AGMO: variants seen among roughly 807,000 people sequenced by gnomAD.
AGMO encodes alkylglycerol monooxygenase.
Under a neutral mutation model 60.2 loss-of-function variants are expected in AGMO, and 75 were observed. The ratio of observed to expected loss-of-function variants is 1.25; its 90% CI spans 1.03 to 1.51. The LOEUF is 1.51. Among genes scored for constraint, AGMO ranks in the 40% most tolerant of loss-of-function variants. The pLI, the probability that AGMO is intolerant of heterozygous loss-of-function variation, is 0.00. For synonymous variants in AGMO, 261 were observed against 177.1 expected, an observed-to-expected ratio of 1.47 and a Z score of -3.76; for missense variants, 763 against 525.5, an observed-to-expected ratio of 1.45 and a Z score of -4.42.
chr7:15,358,764 A>C (rs554812850), intron 12 of AGMO, among the ~76,000 whole-genome samples: 61 of 152,304 alleles, frequency 4.0e-4, no homozygotes, highest in African/African-American at 1.4e-3. Flanking sequence ...AATGCCAGCA[A>C]GAGAAGGACA....
chr7:15,394,174 G>A lies in AGMO; in HGVS notation c.615C>T (p.Ile205=). 1 of 1,604,266 alleles carries A rather than the reference G, an allele frequency of 6.2e-7. No homozygotes were observed. ...TCAGTTCCAAAGGACCAAGGTTATT[G>A]ATGACCTGTTTAAAACAGAAGGAAT... is the stretch of plus-strand genomic sequence containing the variant. The part of the protein sequence containing the change: ...LYQFWIHTEV[I]NNLGPLELIL... Residue 205 remains isoleucine (I), a synonymous_variant, in exon 6 of 13, where the codon ATC becomes ATT. Coordinates refer to ENST00000342526, the MANE Select transcript of AGMO (RefSeq NM_001004320.2).
chr7:15,430,993 C>T lies in AGMO; in HGVS notation c.513+12G>A, dbSNP rs1312185854. The T allele has an allele frequency of 1.4e-6, 2 of 1,458,910 alleles. No homozygotes were observed. Among genetic ancestry groups the T allele is most frequent in the South Asian group, 2.5e-5 (2 of 78,958 alleles). 90.4% of individuals were successfully genotyped at this position (1,458,910 alleles called of 1,614,324 possible). ...TTAGATTACCATGTTTATTCCATTTCATACAACTTACCCAGGAAGTATATA... is the reference window on the plus strand; with the variant it reads ...TTAGATTACCATGTTTATTCCATTTTATACAACTTACCCAGGAAGTATATA... On this transcript the variant is annotated intron_variant, in intron 4 of 12. Coordinates refer to ENST00000342526, the MANE Select transcript of AGMO (RefSeq NM_001004320.2).
intron 12 of AGMO, among the ~76,000 whole-genome samples, chr7:15,298,972 T>A (rs1439457940): frequency 6.6e-6 from 1 of 152,158 alleles, no homozygotes; most frequent in Non-Finnish European, 1.5e-5. Context: ...ATGTCTGTTC[T>A]CGTTATTGTC....
intron 12 of AGMO, among the ~76,000 whole-genome samples, chr7:15,341,214 T>G (rs1781836854): frequency 6.6e-6 from 1 of 152,160 alleles, no homozygotes; most frequent in Admixed American, 6.5e-5. Flanking sequence ...GAAAATGGAT[T>G]TCTTTTCTAC....
chr7:15,401,753 G>T (rs1784557974), intron 5 of AGMO, among the ~76,000 whole-genome samples: 1 of 151,960 alleles, frequency 6.6e-6, no homozygotes, highest in South Asian at 2.1e-4. Flanking sequence ...ATCATAATAG[G>T]GAAAATATAT....
chr7:15,194,278 T>C, the AGMO span, among the ~76,000 whole-genome samples: 3 of 152,192 alleles, frequency 2.0e-5, no homozygotes, highest in South Asian at 2.1e-4. Context: ...TTTTAACTGA[T>C]TGCAAAGTCC....
intron 12 of AGMO, among the ~76,000 whole-genome samples, chr7:15,359,334 T>C (rs114947898): frequency 0.036 from 5,499 of 151,684 alleles, 124 homozygotes; most frequent in South Asian, 0.064. Flanking sequence ...TTTTTACTCA[T>C]ATTTACTTTA....
chr7:15,357,573 A>G (rs1020007549), intron 12 of AGMO, among the ~76,000 whole-genome samples: 1 of 152,234 alleles, frequency 6.6e-6, no homozygotes, highest in Non-Finnish European at 1.5e-5. Context: ...AATGGAATGT[A>G]GCAGAAATAT....
At chr7:15,368,628 TAAA>T (rs1270277649) in intron 10 of AGMO, among the ~76,000 whole-genome samples, 1 of 151,968 alleles carries the variant, frequency 6.6e-6, no homozygotes, top group Non-Finnish European at 1.5e-5. Flanking sequence ...TGGCACAGAG[TAAA>T]AAAGTCAATT....
At chr7:15,227,988 C>T (rs1188472494) in intron 12 of AGMO, among the ~76,000 whole-genome samples, 1 of 152,054 alleles carries the variant, frequency 6.6e-6, no homozygotes, top group Non-Finnish European at 1.5e-5. Flanking sequence ...TACTGACTGC[C>T]CATGTTGCTG....
At chr7:15,232,124 G>A (rs919750450) in intron 12 of AGMO, among the ~76,000 whole-genome samples, 2 of 151,792 alleles carry the variant, frequency 1.3e-5, no homozygotes, top group African/African-American at 4.8e-5. Context: ...TTTTCTTCTC[G>A]TTTCCTCAAC....
intron 3 of AGMO, among the ~76,000 whole-genome samples, chr7:15,480,585 T>C (rs1011212983): frequency 1.3e-5 from 2 of 152,174 alleles, no homozygotes; most frequent in African/African-American, 2.4e-5. Context: ...GGAATTCTCC[T>C]TTCTGGCTAC....
At chr7:15,222,275 T>C (rs1365347540) in intron 12 of AGMO, among the ~76,000 whole-genome samples, 3 of 152,082 alleles carry the variant, frequency 2.0e-5, no homozygotes, top group Non-Finnish European at 2.9e-5. Flanking sequence ...TGGTGATTTA[T>C]TTAATTAATT....
chr7:15,171,880 T>C, the AGMO span, among the ~76,000 whole-genome samples: 1 of 152,188 alleles, frequency 6.6e-6, no homozygotes, highest in Non-Finnish European at 1.5e-5. Flanking sequence ...ATAGAAATTA[T>C]GAAGAAATGG....
chr7:15,270,596 A>ATTTTTTTT lies in AGMO; in HGVS notation c.1264-69245_1264-69238dup, dbSNP rs527463907. ...ATTAAACAAATTTAATCTGTTGATAATTTTTTTTTTTTTTTTTTTTTTTTT... is the reference window on the plus strand; with the variant it reads ...ATTAAACAAATTTAATCTGTTGATAATTTTTTTTTTTTTTTTTTTTTTTTTTTTTTTTT... On this transcript the variant is annotated intron_variant, in intron 12 of 12. Transcript: ENST00000342526. Among the ~76,000 whole-genome samples, 52 of 48,044 alleles carry ATTTTTTTT rather than the reference A, an allele frequency of 1.1e-3. 3 individuals carry two copies. The highest frequency in any genetic ancestry group is 1.3e-3 in the Non-Finnish European group (33 of 25,768). 31.5% of individuals were successfully genotyped at this position (48,044 alleles called of 152,430 possible). A position where few individuals can be genotyped will look rare whatever the true frequency, so the allele number is the denominator to read the frequency against.
intron 12 of AGMO, among the ~76,000 whole-genome samples, chr7:15,262,228 G>A (rs554896345): frequency 2.0e-4 from 31 of 152,038 alleles, no homozygotes; most frequent in African/African-American, 7.2e-4. Flanking sequence ...TACTTAGAAA[G>A]CCCTAAAGAC....
At chr7:15,414,093 C>A (rs1028229069) in intron 5 of AGMO, among the ~76,000 whole-genome samples, 2 of 150,614 alleles carry the variant, frequency 1.3e-5, no homozygotes, top group African/African-American at 4.9e-5. Flanking sequence ...CTGCAAGCTC[C>A]GCCTCCCAGG....
chr7:15,288,008 GAA>G (rs1373044273), intron 12 of AGMO, among the ~76,000 whole-genome samples: 2 of 151,646 alleles, frequency 1.3e-5, no homozygotes, highest in Non-Finnish European at 2.9e-5. Context: ...TAATGATTTT[GAA>G]AAATAACAAT....
chr7:15,435,875 T>A (rs1013412415), intron 3 of AGMO, among the ~76,000 whole-genome samples: 1 of 152,184 alleles, frequency 6.6e-6, no homozygotes, highest in Non-Finnish European at 1.5e-5. Flanking sequence ...TTAAAATATG[T>A]TCTCTCCTAT....
Sources: allele counts gnomAD v4.1 joint callset (sites outside exome capture counted in the v4.1 genomes callset), GRCh38; gene constraint gnomAD v4.1.1; transcripts MANE v1.5; gene names NCBI Gene and HGNC (gene_info 2026-07-23, HGNC 2026-07-21).